Variants in PDPN observed in about 807,000 individuals in gnomAD.
PDPN encodes PA2.26 antigen.
A neutral mutation model predicts 23.2 loss-of-function variants in PDPN; 12 were observed. The ratio of observed to expected loss-of-function variants is 0.52; its 90% CI spans 0.33 to 0.84. The LOEUF (loss-of-function observed/expected upper bound fraction) is 0.84. PDPN is among the 40% of genes least tolerant of loss of function. PDPN has a pLI of 0.02. For synonymous variants in PDPN, 77 were observed against 76.7 expected, an observed-to-expected ratio of 1.00 and a Z score of -0.02; for missense variants, 199 against 212.2, an observed-to-expected ratio of 0.94 and a Z score of 0.39.
upstream of PDPN, chr1:13,583,768 C>A (rs1640099900): frequency 6.7e-6 from 10 of 1,497,656 alleles, no homozygotes; most frequent in South Asian, 4.0e-5. Context: ...GACCACCTTG[C>A]GGCCGACCCC....
chr1:13,614,939 A>G, intron 5 of PDPN: 1 of 402,414 alleles, frequency 2.5e-6, no homozygotes, highest in South Asian at 1.9e-5. Flanking sequence ...AGATCTGACC[A>G]CATTTGATCT....
intron 1 of PDPN, among the ~76,000 whole-genome samples, chr1:13,589,462 C>T (rs993815637): frequency 6.6e-6 from 1 of 152,124 alleles, no homozygotes; most frequent in African/African-American, 2.4e-5. Flanking sequence ...GTGTTAATAG[C>T]GCTAACAATA....
chr1:13,588,593 CTA>C lies in PDPN; in HGVS notation c.67+4499_67+4500del, dbSNP rs200941527. On this transcript the variant is annotated intron_variant, in intron 1 of 5. Coordinates refer to ENST00000621990, the MANE Select transcript of PDPN (RefSeq NM_006474.5). The stretch of plus-strand genomic sequence containing the variant: ...TATTATATATAATATAAATATATAA[CTA>C]TATATTATATATTTACATATATAAT... Among the ~76,000 whole-genome samples the C allele has an allele frequency of 8.2e-3, 1,192 of 146,122 alleles. 45 individuals are homozygous for C. The East Asian group carries it at 0.11, about 13-fold the overall frequency.
intron 5 of PDPN, chr1:13,614,770 G>A: frequency 6.1e-6 from 3 of 492,588 alleles, no homozygotes; most frequent in South Asian, 4.4e-5. Flanking sequence ...CTGGGTGACA[G>A]AGCAAGACTG....
At chr1:13,593,805 C>T (rs1055243009) in intron 1 of PDPN, among the ~76,000 whole-genome samples, 15 of 152,234 alleles carry the variant, frequency 9.9e-5, no homozygotes, top group Non-Finnish European at 1.5e-5. Context: ...TGCTCCAGGA[C>T]AGCACTTCTA....
At chr1:13,610,611 C>T in intron 3 of PDPN, 95 bp downstream of exon 3, 1 of 1,245,816 alleles carries the variant, frequency 8.0e-7, no homozygotes, top group Non-Finnish European at 1.1e-6. Context: ...CAATAGGGGG[C>T]ATATTGGGAT....
chr1:13,597,280 A>G (rs995987041), intron 1 of PDPN, among the ~76,000 whole-genome samples: 3 of 152,216 alleles, frequency 2.0e-5, no homozygotes, highest in Non-Finnish European at 2.9e-5. Flanking sequence ...TCATCCATCT[A>G]CAAAGACATT....
chr1:13,614,606 C>A, intron 5 of PDPN, 195 bp downstream of exon 5: 1 of 513,374 alleles, frequency 1.9e-6, no homozygotes, highest in East Asian at 3.6e-5. Context: ...ATCTCTGGTA[C>A]AATGGTCATG....
intron 1 of PDPN, among the ~76,000 whole-genome samples, chr1:13,592,104 T>G (rs1031057868): frequency 6.6e-6 from 1 of 152,258 alleles, no homozygotes; most frequent in Non-Finnish European, 1.5e-5. Flanking sequence ...TCGCCAATTG[T>G]GTATCTTTGG....
In PDPN at chr1:13,583,877, G is replaced by A. The variant is rs1170289909; in HGVS notation, c.-157G>A. 11 of 1,608,652 alleles carry A rather than the reference G, an allele frequency of 6.8e-6. No individual in the cohort carries two copies. Among genetic ancestry groups the A allele is most frequent in the Non-Finnish European group, 8.5e-6 (10 of 1,177,320 alleles). ...GGCTGCCTAGGGTCTGGGAAGCTCG[G>A]GCACCCTCCCTCTCCGGGGCTCCTG... On this transcript the variant is annotated 5_prime_UTR_variant, in exon 1 of 6. Transcript: ENST00000621990.
chr1:13,591,396 A>G (rs2100213483), intron 1 of PDPN, among the ~76,000 whole-genome samples: 1 of 152,294 alleles, frequency 6.6e-6, no homozygotes, highest in Admixed American at 6.5e-5. Flanking sequence ...AAAGCAAACA[A>G]TTCAGTGGTC....
intron 1 of PDPN, among the ~76,000 whole-genome samples, chr1:13,595,418 G>T (rs1640467898): frequency 6.6e-6 from 1 of 151,738 alleles, no homozygotes; most frequent in Non-Finnish European, 1.5e-5. Flanking sequence ...CCTCAACTTT[G>T]GGAGGTGACC....
At chr1:13,596,972 G>C (rs1480182148) in intron 1 of PDPN, among the ~76,000 whole-genome samples, 1 of 152,154 alleles carries the variant, frequency 6.6e-6, no homozygotes, top group Non-Finnish European at 1.5e-5. Flanking sequence ...CCTTTCTACT[G>C]TTCGGGGTGT....
At chr1:13,595,347 G>A (rs1019071941) in intron 1 of PDPN, among the ~76,000 whole-genome samples, 21 of 152,108 alleles carry the variant, frequency 1.4e-4, no homozygotes, top group African/African-American at 4.6e-4. Flanking sequence ...AAATGGAGTC[G>A]CTCTCATTGG....
chr1:13,585,321 C>G (rs925001560), intron 1 of PDPN: 3 of 317,248 alleles, frequency 9.5e-6, no homozygotes, highest in Non-Finnish European at 1.8e-5. Flanking sequence ...TGACAGAGTT[C>G]TGCTCTATGC....
intron 1 of PDPN, among the ~76,000 whole-genome samples, chr1:13,606,946 TC>T (rs1640803473): frequency 6.6e-6 from 1 of 152,228 alleles, no homozygotes; most frequent in Admixed American, 6.5e-5. Context: ...TTTAATGTTT[TC>T]ATTTTCCTTT....
intron 5 of PDPN, among the ~76,000 whole-genome samples, chr1:13,615,297 TC>T (rs113526765): frequency 0.43 from 60,881 of 143,242 alleles, 13,314 homozygotes; most frequent in African/African-American, 0.57. Context: ...TTTTTCTTTT[TC>T]TTTTTTTTTG....
intron 1 of PDPN, among the ~76,000 whole-genome samples, chr1:13,590,361 G>T (rs569079429): frequency 6.6e-6 from 1 of 152,346 alleles, no homozygotes; most frequent in Admixed American, 6.5e-5. Context: ...TACACATGTA[G>T]AAAGAACATA....
At chr1:13,609,844 C>T (rs1640888574) in intron 2 of PDPN, among the ~76,000 whole-genome samples, 1 of 151,954 alleles carries the variant, frequency 6.6e-6, no homozygotes, top group Admixed American at 6.6e-5. Flanking sequence ...AGGCAGGCAT[C>T]ACCTGAGGTC....
Sources: gnomAD v4.1 joint callset for allele counts (sites outside exome capture counted in the v4.1 genomes callset) on GRCh38, gnomAD v4.1.1 for gene constraint, MANE v1.5 for transcripts, NCBI Gene and HGNC (gene_info 2026-07-23, HGNC 2026-07-21) for gene names.